Variants in LYPLAL1 observed in about 807,000 individuals in gnomAD.
The protein encoded by LYPLAL1 is lysophospholipase like 1.
A neutral mutation model predicts 19.7 loss-of-function variants in LYPLAL1; 23 were observed. The ratio of observed to expected loss-of-function variants is 1.17; its 90% CI spans 0.84 to 1.65. LYPLAL1 has a LOEUF of 1.65. Among genes scored for constraint, LYPLAL1 ranks in the 40% most tolerant of loss-of-function variants. The pLI is 0.00. For missense variants in LYPLAL1, 355 were observed against 279.4 expected, an observed-to-expected ratio of 1.27 and a Z score of -1.93; for synonymous variants, 119 against 96.3, an observed-to-expected ratio of 1.24 and a Z score of -1.38.
At chr1:219,202,687 T>C (rs78923185) in intron 3 of LYPLAL1, among the ~76,000 whole-genome samples, 3 of 151,664 alleles carry the variant, frequency 2.0e-5, no homozygotes, top group Non-Finnish European at 2.9e-5. Flanking sequence ...AGTTAGGTAA[T>C]TTTTTTTTGA....
chr1:219,418,526 C>T, the LYPLAL1 span, among the ~76,000 whole-genome samples: 89 of 152,286 alleles, frequency 5.8e-4, no homozygotes, highest in Middle Eastern at 0.01. Flanking sequence ...CAAAACCAAA[C>T]AGATAGTACA....
At chr1:219,390,404 G>A in the LYPLAL1 span, among the ~76,000 whole-genome samples, 289 of 152,262 alleles carry the variant, frequency 1.9e-3, 1 homozygote, top group African/African-American at 6.8e-3. Context: ...AACCAAGGAA[G>A]ATTAACTACC....
the LYPLAL1 span, among the ~76,000 whole-genome samples, chr1:219,424,190 T>C: frequency 2.0e-5 from 3 of 152,062 alleles, no homozygotes; most frequent in Non-Finnish European, 4.4e-5. Context: ...GTAAAAGAAT[T>C]TCAATCCAGT....
chr1:219,281,430 G>A, the LYPLAL1 span, among the ~76,000 whole-genome samples: 2 of 152,152 alleles, frequency 1.3e-5, no homozygotes, highest in Non-Finnish European at 2.9e-5. Context: ...GTAAATCTAA[G>A]CACTTACTAT....
At chr1:219,338,173 T>A in the LYPLAL1 span, among the ~76,000 whole-genome samples, 2 of 151,978 alleles carry the variant, frequency 1.3e-5, no homozygotes, top group Non-Finnish European at 2.9e-5. Context: ...TTTAGGAATT[T>A]TGTCAGGGAG....
At chr1:219,340,904 G>C in the LYPLAL1 span, among the ~76,000 whole-genome samples, 2 of 152,046 alleles carry the variant, frequency 1.3e-5, no homozygotes, top group Non-Finnish European at 2.9e-5. Context: ...AGAGGGCAAT[G>C]AGTAATACCT....
chr1:219,263,056 C>T, the LYPLAL1 span, among the ~76,000 whole-genome samples: 1 of 152,226 alleles, frequency 6.6e-6, no homozygotes, highest in East Asian at 1.9e-4. Flanking sequence ...ATAAGTTTCT[C>T]AGGTAATGGG....
the LYPLAL1 span, among the ~76,000 whole-genome samples, chr1:219,405,400 C>T: frequency 1.3e-5 from 2 of 152,168 alleles, no homozygotes; most frequent in African/African-American, 4.8e-5. Context: ...CTGAGGCATA[C>T]TCTTTGAAAA....
At chr1:219,296,755 C>T in the LYPLAL1 span, among the ~76,000 whole-genome samples, 1 of 152,104 alleles carries the variant, frequency 6.6e-6, no homozygotes, top group African/African-American at 2.4e-5. Context: ...ACTAAGAAAT[C>T]ATAGGTTACA....
At chr1:219,334,657 C>T in the LYPLAL1 span, among the ~76,000 whole-genome samples, 4 of 151,292 alleles carry the variant, frequency 2.6e-5, no homozygotes, top group South Asian at 4.2e-4. Context: ...CTATTTTATC[C>T]GGCATCTAAT....
the LYPLAL1 span, among the ~76,000 whole-genome samples, chr1:219,304,656 GT>G: frequency 4.6e-4 from 70 of 152,176 alleles, 3 homozygotes; most frequent in Non-Finnish European, 5.9e-5. Flanking sequence ...GTATAATTAA[GT>G]TCTAAATTGT....
At chr1:219,411,470 T>G in the LYPLAL1 span, among the ~76,000 whole-genome samples, 1 of 152,068 alleles carries the variant, frequency 6.6e-6, no homozygotes, top group Non-Finnish European at 1.5e-5. Context: ...GGAGAACCTT[T>G]GTATCTAGCT....
chr1:219,419,799 G>A, the LYPLAL1 span, among the ~76,000 whole-genome samples: 1 of 152,156 alleles, frequency 6.6e-6, no homozygotes, highest in Non-Finnish European at 1.5e-5. Flanking sequence ...GATTAAGGCA[G>A]ATACAGGTAA....
chr1:219,249,161 G>A, the LYPLAL1 span, among the ~76,000 whole-genome samples: 1 of 151,754 alleles, frequency 6.6e-6, no homozygotes, highest in Non-Finnish European at 1.5e-5. Flanking sequence ...ATACTCTCAG[G>A]CTTCTCATCT....
At chr1:219,415,386 A>G in the LYPLAL1 span, among the ~76,000 whole-genome samples, 2 of 152,232 alleles carry the variant, frequency 1.3e-5, no homozygotes, top group Non-Finnish European at 2.9e-5. Context: ...AGGACTTAAA[A>G]GAATAAATAA....
chr1:219,310,618 A>G, the LYPLAL1 span, among the ~76,000 whole-genome samples: 1 of 152,230 alleles, frequency 6.6e-6, no homozygotes, highest in Admixed American at 6.5e-5. Context: ...ATCAACTAAA[A>G]GCAAAGGCCA....
the LYPLAL1 span, among the ~76,000 whole-genome samples, chr1:219,432,940 G>T: frequency 6.6e-6 from 1 of 152,176 alleles, no homozygotes; most frequent in Admixed American, 6.5e-5. Context: ...GCAAGGAACA[G>T]CAGACACCTT....
At chr1:219,316,872 T>G in the LYPLAL1 span, among the ~76,000 whole-genome samples, 2 of 152,018 alleles carry the variant, frequency 1.3e-5, no homozygotes, top group Admixed American at 1.3e-4. Context: ...AAGTAAATGG[T>G]GATCATTAGG....
chr1:219,360,580 G>A, the LYPLAL1 span, among the ~76,000 whole-genome samples: 1 of 152,158 alleles, frequency 6.6e-6, no homozygotes, highest in Non-Finnish European at 1.5e-5. Context: ...CATTTGTAGA[G>A]TAAATGAAAG....
Sources: allele counts gnomAD v4.1 joint callset (sites outside exome capture counted in the v4.1 genomes callset), GRCh38; gene constraint gnomAD v4.1.1; transcripts MANE v1.5; gene names NCBI Gene and HGNC (gene_info 2026-07-23, HGNC 2026-07-21).